Variants in TIAM2 observed in about 807,000 individuals in gnomAD.
The protein encoded by TIAM2 is rho guanine nucleotide exchange factor TIAM2.
Under a neutral mutation model 152.9 loss-of-function variants are expected in TIAM2, and 80 were observed. The ratio of observed to expected loss-of-function variants is 0.52; its 90% CI spans 0.44 to 0.63. The LOEUF is 0.63. Among genes scored for constraint, TIAM2 ranks in the 30% least tolerant of loss-of-function variants. The pLI, the probability that TIAM2 is intolerant of heterozygous loss-of-function variation, is 0.00. For missense variants in TIAM2, 1,965 were observed against 2,120.1 expected, an observed-to-expected ratio of 0.93 and a Z score of 1.44; for synonymous variants, 804 against 838.0, an observed-to-expected ratio of 0.96 and a Z score of 0.70.
intron 1 of TIAM2, among the ~76,000 whole-genome samples, chr6:155,008,639 G>A (rs548944694): frequency 5.3e-5 from 8 of 151,770 alleles, no homozygotes; most frequent in Non-Finnish European, 1.0e-4. Context: ...GGGCTACCCC[G>A]CAGGCAGTGT....
intron 15 of TIAM2, among the ~76,000 whole-genome samples, chr6:155,227,948 A>AGAGCAGAGTGCTTGGTCTGTACCTGG (rs1347446879): frequency 1.3e-5 from 2 of 152,238 alleles, no homozygotes; most frequent in Non-Finnish European, 2.9e-5. Flanking sequence ...AACTATTATC[A>AGAGCAGAGTGCTTGGTCTGTACCTGG]GAGCAGAGTG....
At chr6:155,256,034 C>G (rs1583297472) in intron 26 of TIAM2, 1 of 186,088 alleles carries the variant, frequency 5.4e-6, no homozygotes, top group Non-Finnish European at 1.1e-5. Context: ...GGGGGAGGGG[C>G]ATTTTCTACT....
rs551999981 is a variant in TIAM2 at position 155,071,049 on chromosome 6, T to C, written c.-208-19240T>C. On this transcript the variant is annotated intron_variant, in intron 1 of 26. Transcript: ENST00000682666. ...TTCGTGGGACATGGTTGTGCATGCC[T>C]GTAGTCCCAGCAGCTTGGGAGGCTG... Among the ~76,000 whole-genome samples the C allele has an allele frequency of 1.2e-4, 19 of 152,200 alleles. 2 individuals carry two copies. The South Asian group carries it at 2.3e-3, about 18-fold the overall frequency.
chr6:155,111,618 G>A (rs1230093186), intron 2 of TIAM2, among the ~76,000 whole-genome samples: 1 of 152,164 alleles, frequency 6.6e-6, no homozygotes, highest in African/African-American at 2.4e-5. Flanking sequence ...TGAAGTTTCT[G>A]TGATAGGAGG....
intron 1 of TIAM2, among the ~76,000 whole-genome samples, chr6:155,082,375 G>A (rs138372516): frequency 0.035 from 5,336 of 152,002 alleles, 330 homozygotes; most frequent in African/African-American, 0.12. Context: ...AATAGGCCAG[G>A]CACTGTGGCT....
chr6:155,198,488 C>T (rs1781398438), intron 14 of TIAM2, among the ~76,000 whole-genome samples: 1 of 151,876 alleles, frequency 6.6e-6, no homozygotes, highest in South Asian at 2.1e-4. Flanking sequence ...CATGGAGAAA[C>T]CCCATCTTTA....
At chr6:155,152,637 T>A (rs887952997) in intron 7 of TIAM2, among the ~76,000 whole-genome samples, 1 of 152,136 alleles carries the variant, frequency 6.6e-6, no homozygotes, top group Non-Finnish European at 1.5e-5. Flanking sequence ...TGGATCCGAG[T>A]GTCTCAGAGT....
chr6:155,015,964 A>C (rs2475875), intron 1 of TIAM2, among the ~76,000 whole-genome samples: 35,830 of 150,028 alleles, frequency 0.24, 5,893 homozygotes, highest in African/African-American at 0.42. Flanking sequence ...AAAAAAAAAA[A>C]AAAAAAAAAC....
At chr6:155,067,555 C>G (rs1777726434) in intron 1 of TIAM2, among the ~76,000 whole-genome samples, 1 of 152,178 alleles carries the variant, frequency 6.6e-6, no homozygotes, top group South Asian at 2.1e-4. Context: ...TCCTGACTCT[C>G]ATTTCCACTC....
chr6:155,018,339 G>C (rs1455841968), intron 1 of TIAM2, among the ~76,000 whole-genome samples: 1 of 151,822 alleles, frequency 6.6e-6, no homozygotes, highest in Non-Finnish European at 1.5e-5. Context: ...ATGGTCACTA[G>C]AAAATTAAAT....
intron 2 of TIAM2, among the ~76,000 whole-genome samples, chr6:155,117,597 C>A (rs759807515): frequency 6.6e-6 from 1 of 152,174 alleles, no homozygotes; most frequent in Non-Finnish European, 1.5e-5. Context: ...CGTGTGCCAC[C>A]ACGCCTGACT....
At position 155,254,534 on chromosome 6, in the gene TIAM2, G is replaced by C. The variant is rs761343860; in HGVS notation, c.4429G>C (p.Val1477Leu). 1.2e-6 allele frequency: 2 copies of C among 1,613,840 alleles called. No homozygotes were observed. The highest frequency in any genetic ancestry group is 4.5e-5 in the East Asian group (2 of 44,886). ...PLEKTCKDRL[V>L]PLKNRVPVSA... The stretch of plus-strand genomic sequence containing the variant: ...GGAGAAAACGTGTAAGGATCGCCTG[G>C]TACCTCTTAAGAACCGAGTTCCTGT... Residue 1477 changes from valine (V) to leucine (L), a missense_variant, in exon 26 of 27, where the codon GTA becomes CTA. By Grantham distance (32) the Val-to-Leu change is conservative. This residue lies in a region of TIAM2 where 935 missense variants were observed against 980.0 expected (regional missense o/e 0.95). Transcript: ENST00000682666.
chr6:155,240,806 TGCCA>T lies in TIAM2; in HGVS notation c.3348+98_3348+101del. 5.4e-6 allele frequency: 7 copies of T among 1,304,464 alleles called. No individual in the cohort carries two copies. The East Asian group carries it at 7.2e-5, about 14-fold the overall frequency. The allele number at this position is 1,304,464 out of a possible 1,614,324, so 80.8% of individuals were successfully genotyped here. Reference sequence around the variant, plus strand: ...CCAGATCACCTCTGCCCAGGACACCTGCCACTCCCCAGGGGGGGACACCTGCTCC... The same window carrying T: ...CCAGATCACCTCTGCCCAGGACACCTCTCCCCAGGGGGGGACACCTGCTCC... On this transcript the variant is annotated intron_variant, in intron 16 of 26. Coordinates refer to ENST00000682666, the MANE Select transcript of TIAM2 (RefSeq NM_012454.4).
At chr6:155,061,948 A>G (rs1777588346) in intron 1 of TIAM2, among the ~76,000 whole-genome samples, 1 of 152,168 alleles carries the variant, frequency 6.6e-6, no homozygotes, top group African/African-American at 2.4e-5. Flanking sequence ...CTATCCTTCA[A>G]AAAATTCCTT....
intron 5 of TIAM2, among the ~76,000 whole-genome samples, chr6:155,140,435 TTG>T (rs1779665581): frequency 6.6e-6 from 1 of 152,120 alleles, no homozygotes; most frequent in Admixed American, 6.5e-5. Context: ...AGTGTGAAAT[TTG>T]TTTCTTAAAA....
chr6:155,048,975 A>G (rs1777265155), intron 1 of TIAM2, among the ~76,000 whole-genome samples: 2 of 151,676 alleles, frequency 1.3e-5, no homozygotes, highest in African/African-American at 4.8e-5. Flanking sequence ...TAATTTTTGT[A>G]TTTTTAGTAG....
At chr6:155,024,193 C>T (rs975246774) in intron 1 of TIAM2, among the ~76,000 whole-genome samples, 8 of 152,124 alleles carry the variant, frequency 5.3e-5, no homozygotes, top group Non-Finnish European at 1.5e-5. Context: ...AAAGTACTTA[C>T]GGCCACGTTT....
intron 7 of TIAM2, among the ~76,000 whole-genome samples, chr6:155,151,299 G>A (rs1049344436): frequency 6.6e-6 from 1 of 152,210 alleles, no homozygotes; most frequent in Non-Finnish European, 1.5e-5. Context: ...GTGCGCCCTA[G>A]CATGTGATGT....
intron 1 of TIAM2, among the ~76,000 whole-genome samples, chr6:155,074,946 G>A (rs1269591963): frequency 6.6e-6 from 1 of 151,884 alleles, no homozygotes; most frequent in African/African-American, 2.4e-5. Flanking sequence ...GTCAGAGGGT[G>A]GAGGGGCAGC....
Sources: gnomAD v4.1 joint callset for allele counts (sites outside exome capture counted in the v4.1 genomes callset) on GRCh38, gnomAD v4.1.1 for gene constraint, gnomAD v4.1.1 regional missense constraint, MANE v1.5 for transcripts, NCBI Gene and HGNC (gene_info 2026-07-23, HGNC 2026-07-21) for gene names.